INSYN2A: variants seen among roughly 807,000 people sequenced by gnomAD.
The protein encoded by INSYN2A is inhibitory synaptic factor 2A.
INSYN2A carries 17 observed loss-of-function variants against 39.4 expected under a neutral mutation model. The ratio of observed to expected loss-of-function variants is 0.43; its 90% CI spans 0.30 to 0.65. The LOEUF (loss-of-function observed/expected upper bound fraction) is 0.65, where lower values mean the gene tolerates loss of function less well. Ranked by LOEUF, INSYN2A falls within the 30% of genes least tolerant of loss-of-function variation. The pLI, the probability that INSYN2A is intolerant of heterozygous loss-of-function variation, is 0.14. For synonymous variants in INSYN2A, 255 were observed against 265.7 expected (o/e 0.96, Z 0.39); for missense variants, 595 against 631.2 (o/e 0.94, Z 0.61).
rs2050737907 is a variant in INSYN2A at position 127,136,770 on chromosome 10, G to A, written c.*1067C>T. The A allele has an allele frequency of 1.3e-5, 2 of 152,602 alleles. No individual in the cohort carries two copies. The highest frequency in any genetic ancestry group is 2.1e-4 in the South Asian group (1 of 4,820). The allele number at this position is 152,602 out of a possible 1,614,324, so 9.5% of individuals were successfully genotyped here. A position where few individuals can be genotyped will look rare whatever the true frequency, so the allele number is the denominator to read the frequency against. On this transcript the variant is annotated 3_prime_UTR_variant, in exon 6 of 6. Coordinates refer to ENST00000522781, the MANE Select transcript of INSYN2A (RefSeq NM_001039762.3). ...ACTTACTAATAGGTTAAATGTAGGC[G>A]ACATTGTCCCTTGGTAGCAGCTAAA... is the stretch of plus-strand genomic sequence containing the variant.
In INSYN2A at chr10:127,136,524, A is replaced by G. The variant is rs1476199529; in HGVS notation, c.*1313T>C. 1.3e-5 allele frequency: 2 copies of G among 152,420 alleles called. No individual in the cohort carries two copies. Among genetic ancestry groups the G allele is most frequent in the African/African-American group, 4.8e-5 (2 of 41,404 alleles). 9.4% of individuals were successfully genotyped at this position (152,420 alleles called of 1,614,324 possible). ...AGTAAGATCCCTACTTCCTATTGTG[A>G]AAATCAAAAAATTGATAGACAAAGT... On this transcript the variant is annotated 3_prime_UTR_variant, in exon 6 of 6. Coordinates refer to ENST00000522781, the MANE Select transcript of INSYN2A (RefSeq NM_001039762.3).
intron 4 of INSYN2A, among the ~76,000 whole-genome samples, chr10:127,159,105 G>A (rs1466794787): frequency 1.3e-5 from 2 of 152,206 alleles, no homozygotes; most frequent in Non-Finnish European, 2.9e-5. Context: ...CTGCGACAGT[G>A]CATGAAAGAG....
At position 127,184,903 on chromosome 10, in the gene INSYN2A, C is replaced by T. The variant is rs187051043; in HGVS notation, c.-269+7702G>A. On this transcript the variant is annotated intron_variant, in intron 2 of 5. Coordinates refer to ENST00000522781, the MANE Select transcript of INSYN2A (RefSeq NM_001039762.3). ...ACTGAACAGTGCATGCCTGGGGTGA[C>T]CTAGGCACCATACTGGATGCTGGGC... Among the ~76,000 whole-genome samples, 5 of 152,266 alleles carry T rather than the reference C, an allele frequency of 3.3e-5. No individual in the cohort carries two copies. The East Asian group carries it at 5.8e-4, about 18-fold the overall frequency.
chr10:127,158,512 G>C (rs1334219472), intron 4 of INSYN2A, among the ~76,000 whole-genome samples: 1 of 152,152 alleles, frequency 6.6e-6, no homozygotes, highest in Non-Finnish European at 1.5e-5. Context: ...ATATACATAG[G>C]CTTGTAACTC....
chr10:127,143,821 A>G (rs1437267390), intron 5 of INSYN2A, among the ~76,000 whole-genome samples: 1 of 152,112 alleles, frequency 6.6e-6, no homozygotes, highest in Non-Finnish European at 1.5e-5. Context: ...GCAATAGAAG[A>G]ACCAGGACCC....
intron 5 of INSYN2A, among the ~76,000 whole-genome samples, chr10:127,152,287 AG>A (rs1489243204): frequency 6.6e-6 from 1 of 152,240 alleles, no homozygotes; most frequent in Non-Finnish European, 1.5e-5. Context: ...CTCTTTTGCA[AG>A]ATGAGTGGAG....
rs138126600 is a variant in INSYN2A at position 127,167,707 on chromosome 10, C to T, written c.1184+7505G>A. ...CTAAAACAAAATCCAGGTCTCCTGA[C>T]GCTACATCAGCTCCCCTGCCCGTGA... is the stretch of plus-strand genomic sequence containing the variant. On this transcript the variant is annotated intron_variant, in intron 4 of 5. Coordinates refer to ENST00000522781, the MANE Select transcript of INSYN2A (RefSeq NM_001039762.3). 7.9e-3 allele frequency among the ~76,000 whole-genome samples: 1,198 copies of T among 152,236 alleles called. 6 individuals are homozygous for T. The highest frequency in any genetic ancestry group is 0.013 in the Non-Finnish European group (887 of 68,008).
chr10:127,178,317 T>C (rs1301568374), intron 2 of INSYN2A, among the ~76,000 whole-genome samples: 2 of 152,216 alleles, frequency 1.3e-5, no homozygotes, highest in African/African-American at 4.8e-5. Flanking sequence ...TCTGCAGCAT[T>C]TGATTTAGGT....
At position 127,175,622 on chromosome 10, in the gene INSYN2A, T is replaced by C. The variant is rs761994515; in HGVS notation, c.774A>G (p.Ala258=). 25 of 1,612,820 alleles carry C rather than the reference T, an allele frequency of 1.6e-5. No homozygotes were observed. The highest frequency in any genetic ancestry group is 1.2e-4 in the Admixed American group (7 of 59,990). The change falls in exon 4 of 6, where the codon GCA becomes GCG. Residue 258 remains alanine, a synonymous_variant. Transcript: ENST00000522781. The surrounding 1 kb of genome is among the most constrained non-coding windows in gnomAD (Gnocchi z 6.3). ...CGGGGGCCCTGGCACTGAGGGCAGG[T>C]GCGTAAACGGTGGCAACCTCCGTTT... ...VFKTEVATVY[A]PALSARAPEP... is the part of the protein sequence containing the mutation.
chr10:127,188,129 A>T (rs953128931), intron 2 of INSYN2A, among the ~76,000 whole-genome samples: 5 of 152,210 alleles, frequency 3.3e-5, no homozygotes, highest in Non-Finnish European at 5.9e-5. Flanking sequence ...CCTGGACATC[A>T]GCCAGGTGTT....
At chr10:127,158,759 A>T (rs2053319477) in intron 4 of INSYN2A, among the ~76,000 whole-genome samples, 1 of 152,216 alleles carries the variant, frequency 6.6e-6, no homozygotes, top group South Asian at 2.1e-4. Context: ...TTCATTGTAG[A>T]TATGGATTTT....
Position 127,175,554 on chromosome 10 carries a change from A to C in INSYN2A, c.842T>G (p.Leu281Arg), listed in dbSNP as rs547642648. Reference sequence around the variant, plus strand: ...CCTCCGCTCGTCATCTGCCGGGCAGAGTGACCACTGGCTGGCGGCTGCAGA... The same window carrying C: ...CCTCCGCTCGTCATCTGCCGGGCAGCGTGACCACTGGCTGGCGGCTGCAGA... ...SDSAAASQWS[L>R]CPADDERRRA... Residue 281 changes from leucine (L) to arginine (R), a missense_variant, in exon 4 of 6, where the codon CTC becomes CGC. Around this residue, in one of 2 missense-constraint regions of INSYN2A, gnomAD observed 478 missense variants for 467.4 expected, o/e 1.02. Transcript: ENST00000522781. This position sits in a 1 kb window ranked among gnomAD's most constrained non-coding sequence, Gnocchi z 6.3. 6.6e-5 allele frequency: 106 copies of C among 1,611,804 alleles called. 3 individuals carry two copies. The South Asian group carries it at 1.1e-3, about 17-fold the overall frequency.
intron 4 of INSYN2A, among the ~76,000 whole-genome samples, chr10:127,157,791 T>A (rs74158626): frequency 6.6e-6 from 1 of 152,222 alleles, no homozygotes; most frequent in Non-Finnish European, 1.5e-5. Flanking sequence ...AAGTTTTGTT[T>A]GGGATCTTTC....
intron 5 of INSYN2A, among the ~76,000 whole-genome samples, chr10:127,145,703 G>A (rs1426179423): frequency 6.6e-6 from 1 of 152,144 alleles, no homozygotes; most frequent in African/African-American, 2.4e-5. Flanking sequence ...TGGTGTGAAG[G>A]CTACAAAGCC....
Position 127,190,194 on chromosome 10 carries a change from C to G in INSYN2A, c.-269+2411G>C, listed in dbSNP as rs547509749. 1.2e-4 allele frequency among the ~76,000 whole-genome samples: 18 copies of G among 152,348 alleles called. 1 individual carries two copies. Among genetic ancestry groups the G allele is most frequent in the African/African-American group, 3.6e-4 (15 of 41,584 alleles). ...CTCAACTTCTACCCAACTGAATTTT[C>G]ACCAAAGGAATCGCTGAGGTTGAGT... On this transcript the variant is annotated intron_variant, in intron 2 of 5. Coordinates refer to ENST00000522781, the MANE Select transcript of INSYN2A (RefSeq NM_001039762.3).
At chr10:127,154,303 C>T (rs954735531) in intron 4 of INSYN2A, among the ~76,000 whole-genome samples, 1 of 152,244 alleles carries the variant, frequency 6.6e-6, no homozygotes, top group East Asian at 1.9e-4. Context: ...CTCTACCCCA[C>T]CTGTCCTGCT....
At chr10:127,180,922 C>A (rs2055670780) in intron 2 of INSYN2A, among the ~76,000 whole-genome samples, 1 of 152,042 alleles carries the variant, frequency 6.6e-6, no homozygotes, top group African/African-American at 2.4e-5. Flanking sequence ...TTTATTTTTC[C>A]TTCTGTTTTC....
intron 2 of INSYN2A, among the ~76,000 whole-genome samples, chr10:127,182,942 G>T (rs2055873082): frequency 2.6e-5 from 4 of 152,156 alleles, no homozygotes; most frequent in Admixed American, 2.6e-4. Flanking sequence ...TCAGAGGCGG[G>T]AGTTGGCAGG....
intron 5 of INSYN2A, among the ~76,000 whole-genome samples, chr10:127,139,922 G>A (rs1190439443): frequency 2.6e-5 from 4 of 152,162 alleles, no homozygotes; most frequent in Non-Finnish European, 1.5e-5. Flanking sequence ...CAAGAGCTAA[G>A]TAATAAAGAT....
Sources: allele counts gnomAD v4.1 joint callset (sites outside exome capture counted in the v4.1 genomes callset), GRCh38; gene constraint gnomAD v4.1.1; regional missense constraint gnomAD v4.1.1; non-coding constraint Gnocchi (gnomAD v3.1); transcripts MANE v1.5; gene names NCBI Gene and HGNC (gene_info 2026-07-23, HGNC 2026-07-21).